DGCR8: variants seen among roughly 807,000 people sequenced by gnomAD.
DGCR8 encodes DGCR8 microprocessor complex subunit.
A neutral mutation model predicts 78.5 loss-of-function variants in DGCR8; 14 were observed. The observed-to-expected ratio is 0.18, with a 90% CI of 0.12 to 0.28. The LOEUF (loss-of-function observed/expected upper bound fraction) is 0.28, where lower values mean the gene tolerates loss of function less well. DGCR8 is among the 10% of genes least tolerant of loss of function. The pLI, the probability that DGCR8 is intolerant of heterozygous loss-of-function variation, is 1.00. For missense variants in DGCR8, 702 were observed against 1,022.5 expected (o/e 0.69, Z 4.28); for synonymous variants, 399 against 402.4 (o/e 0.99, Z 0.10).
rs528584742 is a variant in DGCR8 at position 20,101,529 on chromosome 22, G to A, written c.1789-4648G>A. ...GGAGGCGGAGCTTGCAGCGAGCTGA[G>A]ATTGCGCCACTGCACTCCAGCCTGG... On this transcript the variant is annotated intron_variant, in intron 9 of 13. Transcript: ENST00000351989. 1.8e-5 allele frequency: 17 copies of A among 946,836 alleles called. No individual in the cohort carries two copies. The East Asian group carries it at 1.6e-3, about 91-fold the overall frequency. 58.7% of individuals were successfully genotyped at this position (946,836 alleles called of 1,614,324 possible). A position where few individuals can be genotyped will look rare whatever the true frequency, so the allele number is the denominator to read the frequency against.
chr22:20,109,139 C>T (rs892024560), intron 13 of DGCR8, 136 bp downstream of exon 13: 1 of 590,822 alleles, frequency 1.7e-6, no homozygotes, highest in Non-Finnish European at 3.1e-6. Flanking sequence ...AAATCAGATA[C>T]AGGCTTTTCT....
At chr22:20,100,873 A>C in intron 9 of DGCR8, 8 of 974,170 alleles carry the variant, frequency 8.2e-6, no homozygotes, top group South Asian at 4.7e-5. Flanking sequence ...TAAGGAGCTC[A>C]GTTTCGTGGG....
intron 11 of DGCR8, 163 bp from the exon 12 acceptor site, chr22:20,107,104 CTGTG>C: frequency 1.4e-6 from 1 of 704,244 alleles, no homozygotes; most frequent in South Asian, 1.7e-5. Context: ...CAGCTGGGTA[CTGTG>C]AGACTCAGGT....
At chr22:20,084,778 G>C (rs151322952) in intron 1 of DGCR8, among the ~76,000 whole-genome samples, 86 of 152,328 alleles carry the variant, frequency 5.6e-4, no homozygotes, top group Middle Eastern at 6.8e-3. Context: ...CACTGTTCTT[G>C]GCCCATTGCC....
At chr22:20,107,004 C>A in intron 11 of DGCR8, 2 of 574,426 alleles carry the variant, frequency 3.5e-6, no homozygotes, top group Non-Finnish European at 6.2e-6. Context: ...TGGAGGTGTG[C>A]GTCTTGGCGG....
intron 13 of DGCR8, 116 bp from the exon 14 acceptor site, chr22:20,109,909 G>A (rs932344190): frequency 1.5e-5 from 15 of 991,064 alleles, no homozygotes; most frequent in Admixed American, 1.0e-4. Context: ...CACTGGTGCC[G>A]TTGGGGCTCC....
Position 20,091,422 on chromosome 22 carries a change from A to T in DGCR8, c.1307-13A>T. ...AAGTTAAGTAATTTGTTTCTCTGGT[A>T]AATCTGGGACAGATCTCGAGGAATT... On this transcript the variant is annotated splice_polypyrimidine_tract_variant and intron_variant, in intron 5 of 13. Transcript: ENST00000351989. The T allele has an allele frequency of 6.2e-7, 1 of 1,613,734 alleles. No individual in the cohort carries two copies. Among genetic ancestry groups the T allele is most frequent in the Non-Finnish European group, 8.5e-7 (1 of 1,179,662 alleles).
chr22:20,098,563 T>C (rs912585327), intron 9 of DGCR8, among the ~76,000 whole-genome samples: 1 of 152,218 alleles, frequency 6.6e-6, no homozygotes, highest in Non-Finnish European at 1.5e-5. Context: ...ATGTCCTTGC[T>C]CTCTATTTGT....
intron 9 of DGCR8, among the ~76,000 whole-genome samples, chr22:20,102,723 G>GA (rs1170561647): frequency 5.9e-5 from 9 of 152,196 alleles, no homozygotes; most frequent in Non-Finnish European, 8.8e-5. Context: ...CTGATGACTT[G>GA]AAGTCTTGAT....
In DGCR8 at chr22:20,085,244, T is replaced by C. The variant is rs1263779284; in HGVS notation, c.-277-443T>C. Among the ~76,000 whole-genome samples, 1 of 152,144 alleles carries C rather than the reference T, an allele frequency of 6.6e-6. No homozygotes were observed. Among genetic ancestry groups the C allele is most frequent in the African/African-American group, 2.4e-5 (1 of 41,408 alleles). On this transcript the variant is annotated intron_variant, in intron 1 of 13. Coordinates refer to ENST00000351989, the MANE Select transcript of DGCR8 (RefSeq NM_022720.7). The surrounding 1 kb of genome is among the most constrained non-coding windows in gnomAD (Gnocchi z 6.2). The stretch of plus-strand genomic sequence containing the variant: ...CAGAGTTGAGCTGAGGGTCTCGCGC[T>C]CGCCCTCTGACTGACCCAGCCCTTG...
At position 20,089,694 on chromosome 22, in the gene DGCR8, G is replaced by T. The variant is rs1347498328; in HGVS notation, c.906G>T (p.Pro302=). The change falls in exon 4 of 14, where the codon CCG becomes CCT. Residue 302 remains proline, a synonymous_variant. Transcript: ENST00000351989. The surrounding 1 kb of genome is among the most constrained non-coding windows in gnomAD (Gnocchi z 4.9). ...GTCGTGGCCGCCCACCTACAGAGCCGCTGCCCGACGGGTGGATCATGACAT... is the reference window on the plus strand; with the variant it reads ...GTCGTGGCCGCCCACCTACAGAGCCTCTGCCCGACGGGTGGATCATGACAT... The part of the protein sequence containing the change: ...LKSRGRPPTE[P]LPDGWIMTFH... 4 of 1,613,910 alleles carry T rather than the reference G, an allele frequency of 2.5e-6. No individual in the cohort carries two copies. The highest frequency in any genetic ancestry group is 2.2e-5 in the East Asian group (1 of 44,874).
In DGCR8 at chr22:20,089,575, C is replaced by T; in HGVS notation, c.881-94C>T. On this transcript the variant is annotated intron_variant, in intron 3 of 13. Transcript: ENST00000351989. This position sits in a 1 kb window ranked among gnomAD's most constrained non-coding sequence, Gnocchi z 4.9. Reference sequence around the variant, plus strand: ...CTGTGAAGACCCAGTTAAACACATGCTAGTACCCAACAATTTCTTGTGCAG... The same window carrying T: ...CTGTGAAGACCCAGTTAAACACATGTTAGTACCCAACAATTTCTTGTGCAG... The T allele has an allele frequency of 7.1e-7, 1 of 1,403,214 alleles. No homozygotes were observed. The highest frequency in any genetic ancestry group is 9.9e-7 in the Non-Finnish European group (1 of 1,008,270). 86.9% of individuals were successfully genotyped at this position (1,403,214 alleles called of 1,614,324 possible).
rs1365794738 is a variant in DGCR8 at position 20,111,708 on chromosome 22, C to CA, written c.*1600_*1601insA. The CA allele has an allele frequency of 1.0e-2, 97 of 9,742 alleles. No individual in the cohort carries two copies. Among genetic ancestry groups the CA allele is most frequent in the African/African-American group, 0.031 (88 of 2,836 alleles). The allele number at this position is 9,742 out of a possible 1,614,324, so 0.6% of individuals were successfully genotyped here. The stretch of plus-strand genomic sequence containing the variant: ...CCATACTCTTGTGGTCTCTGTGCGC[C>CA]CCCCCCCCCCCCCCACCCGTCTGCC... On this transcript the variant is annotated 3_prime_UTR_variant, in exon 14 of 14. Transcript: ENST00000351989.
At chr22:20,101,931 T>C in intron 9 of DGCR8, 1 of 985,402 alleles carries the variant, frequency 1.0e-6, no homozygotes, top group Non-Finnish European at 1.2e-6. Context: ...TGGCCACGCG[T>C]GTATGCTACT....
Position 20,111,127 on chromosome 22 carries a change from G to C in DGCR8, c.*1019G>C, listed in dbSNP as rs1337147567. On this transcript the variant is annotated 3_prime_UTR_variant, in exon 14 of 14. Coordinates refer to ENST00000351989, the MANE Select transcript of DGCR8 (RefSeq NM_022720.7). ...GACAGCGGTTTCTCTGGATGTCAAA[G>C]GCAGCTGCCTGGTGCCCAGCTTGCT... 1 of 398,522 alleles carries C rather than the reference G, an allele frequency of 2.5e-6. No individual in the cohort carries two copies. Among genetic ancestry groups the C allele is most frequent in the Non-Finnish European group, 4.4e-6 (1 of 226,086 alleles). The allele number at this position is 398,522 out of a possible 1,614,324, so 24.7% of individuals were successfully genotyped here.
At chr22:20,105,546 A>G (rs1027614506) in intron 9 of DGCR8, among the ~76,000 whole-genome samples, 3 of 152,284 alleles carry the variant, frequency 2.0e-5, no homozygotes, top group East Asian at 3.9e-4. Context: ...CAGCTTCCCT[A>G]TGCCTCACTG....
intron 1 of DGCR8, among the ~76,000 whole-genome samples, chr22:20,084,638 A>G (rs1012595203): frequency 2.6e-5 from 4 of 152,104 alleles, no homozygotes; most frequent in Non-Finnish European, 5.9e-5. Context: ...GCCTGCCTGG[A>G]GGTCCCCTCT....
chr22:20,110,409 G>A lies in DGCR8; in HGVS notation c.*301G>A. ...TGGACCCTGCTTCTGTGCACCTGCT[G>A]CAGGCTCTTTTTATGAAGGCTTTCA... On this transcript the variant is annotated 3_prime_UTR_variant, in exon 14 of 14. Transcript: ENST00000351989. 3 of 368,610 alleles carry A rather than the reference G, an allele frequency of 8.1e-6. No individual in the cohort carries two copies. Among genetic ancestry groups the A allele is most frequent in the Non-Finnish European group, 1.5e-5 (3 of 204,260 alleles). The allele number at this position is 368,610 out of a possible 1,614,324, so 22.8% of individuals were successfully genotyped here.
rs139275013 is a variant in DGCR8 at position 20,089,599 on chromosome 22, A to G, written c.881-70A>G. 553 of 1,550,710 alleles carry G rather than the reference A, an allele frequency of 3.6e-4. No homozygotes were observed. In the African/African-American group the frequency reaches 6.8e-3, roughly 19 times the overall value. On this transcript the variant is annotated intron_variant, in intron 3 of 13. Transcript: ENST00000351989. The surrounding 1 kb of genome is among the most constrained non-coding windows in gnomAD (Gnocchi z 4.9). ...GCTAGTACCCAACAATTTCTTGTGCAGGAGGTGCTGTGGCAACAATTCCAA... is the reference window on the plus strand; with the variant it reads ...GCTAGTACCCAACAATTTCTTGTGCGGGAGGTGCTGTGGCAACAATTCCAA...
Sources: gnomAD v4.1 joint callset for allele counts (sites outside exome capture counted in the v4.1 genomes callset) on GRCh38, gnomAD v4.1.1 for gene constraint, Gnocchi (gnomAD v3.1) non-coding constraint, MANE v1.5 for transcripts, NCBI Gene and HGNC (gene_info 2026-07-23, HGNC 2026-07-21) for gene names.